PHLDB2: variants seen among roughly 807,000 people sequenced by gnomAD.
The protein encoded by PHLDB2 is pleckstrin homology like domain family B member 2.
In PHLDB2, 71 loss-of-function variants were observed where a neutral mutation model predicts 123.6. The observed-to-expected ratio is 0.57, with a 90% CI of 0.47 to 0.70. The LOEUF (loss-of-function observed/expected upper bound fraction) is 0.70. PHLDB2 is among the 30% of genes least tolerant of loss of function. PHLDB2 has a pLI of 0.00. For synonymous variants in PHLDB2, 547 were observed against 541.6 expected (o/e 1.01, Z -0.14); for missense variants, 1,446 against 1,519.5 (o/e 0.95, Z 0.80).
chr3:111,860,183 A>C (rs1243748222), intron 1 of PHLDB2, among the ~76,000 whole-genome samples: 1 of 152,158 alleles, frequency 6.6e-6, no homozygotes, highest in Non-Finnish European at 1.5e-5. Flanking sequence ...GATCCTTGGG[A>C]TAGCTCCCTG....
intron 1 of PHLDB2, among the ~76,000 whole-genome samples, chr3:111,751,765 C>T (rs943788679): frequency 6.6e-6 from 1 of 151,806 alleles, no homozygotes; most frequent in African/African-American, 2.4e-5. Context: ...GTGCAGCACA[C>T]CAACATGGTA....
intron 2 of PHLDB2, among the ~76,000 whole-genome samples, chr3:111,892,897 T>A (rs2066585582): frequency 6.6e-6 from 1 of 152,228 alleles, no homozygotes; most frequent in South Asian, 2.1e-4. Context: ...TTCTCTAATC[T>A]CTGAAACGTG....
intron 2 of PHLDB2, chr3:111,885,858 AAGTTGTCTAGAAAGTTGG>A: frequency 2.0e-6 from 1 of 498,520 alleles, no homozygotes; most frequent in Non-Finnish European, 3.5e-6. Context: ...TCTTTATAGC[AAGTTGTCTAGAAAGTTGG>A]AGTTGCCTCA....
At chr3:111,862,053 G>T (rs944103320) in intron 1 of PHLDB2, among the ~76,000 whole-genome samples, 9 of 152,092 alleles carry the variant, frequency 5.9e-5, no homozygotes, top group Non-Finnish European at 8.8e-5. Flanking sequence ...TGTTGGTCAG[G>T]CTGGTCTCAA....
chr3:111,814,310 G>T (rs1242731133), intron 1 of PHLDB2, among the ~76,000 whole-genome samples: 1 of 4,696 alleles, frequency 2.1e-4, no homozygotes, highest in Non-Finnish European at 0.015. Flanking sequence ...ATGTGAAAAA[G>T]AAAGACTAAC....
At chr3:111,971,870 A>G (rs2072213104) in intron 16 of PHLDB2, among the ~76,000 whole-genome samples, 1 of 152,234 alleles carries the variant, frequency 6.6e-6, no homozygotes, top group African/African-American at 2.4e-5. Context: ...GGCCTCCTGC[A>G]TATTAACTGG....
intron 7 of PHLDB2, 85 bp from the exon 8 acceptor site, chr3:111,940,450 A>T (rs1046387569): frequency 2.2e-4 from 151 of 684,404 alleles, no homozygotes; most frequent in Non-Finnish European, 2.5e-4. Flanking sequence ...AGTGGTGAAA[A>T]TTTTTTTCTC....
chr3:111,797,438 A>G (rs981327938), intron 1 of PHLDB2, among the ~76,000 whole-genome samples: 8 of 152,208 alleles, frequency 5.3e-5, no homozygotes, highest in African/African-American at 1.9e-4. Context: ...ACACTGAATA[A>G]CTAGAGGCCC....
At chr3:111,940,504 C>T (rs369600462) in intron 7 of PHLDB2, 31 bp from the exon 8 acceptor site, 10 of 1,351,506 alleles carry the variant, frequency 7.4e-6, no homozygotes, top group Admixed American at 1.9e-5. Flanking sequence ...GTCTAATGTA[C>T]ATCTTCCTAT....
At position 111,974,768 on chromosome 3, in the gene PHLDB2, T is replaced by C. The variant is rs376520100; in HGVS notation, c.*205T>C. 4.9e-6 allele frequency: 2 copies of C among 404,740 alleles called. No homozygotes were observed. Among genetic ancestry groups the C allele is most frequent in the East Asian group, 3.9e-5 (1 of 25,736 alleles). The allele number at this position is 404,740 out of a possible 1,614,324, so 25.1% of individuals were successfully genotyped here. On this transcript the variant is annotated 3_prime_UTR_variant, in exon 18 of 18. Coordinates refer to ENST00000431670, the MANE Select transcript of PHLDB2 (RefSeq NM_001134438.2). Reference sequence around the variant, plus strand: ...ACCTTCATAATAAATAGCAAAATAATTGAAGCTTCCATGAGAAAGAAAACA... The same window carrying C: ...ACCTTCATAATAAATAGCAAAATAACTGAAGCTTCCATGAGAAAGAAAACA...
Position 111,919,211 on chromosome 3 carries a change from G to A in PHLDB2, c.1859G>A (p.Arg620Lys). The A allele has an allele frequency of 6.2e-7, 1 of 1,614,024 alleles. No homozygotes were observed. Among genetic ancestry groups the A allele is most frequent in the African/African-American group, 1.3e-5 (1 of 75,044 alleles). ...DINDQMDESF[R>K]ELDMECALLD... ...AATGATCAGATGGATGAGTCTTTCA[G>A]AGAGGTAAACTTTTTACCCTCTTCC... The change falls in exon 4 of 18, where the codon AGA (arginine) becomes AAA (lysine). Residue 620 changes from arginine (R) to lysine (K), a missense_variant. Arg to Lys is a conservative substitution (Grantham distance 26, BLOSUM62 2). Coordinates refer to ENST00000431670, the MANE Select transcript of PHLDB2 (RefSeq NM_001134438.2).
chr3:111,931,195 C>T (rs2069130739), intron 5 of PHLDB2, among the ~76,000 whole-genome samples: 1 of 152,184 alleles, frequency 6.6e-6, no homozygotes, highest in Non-Finnish European at 1.5e-5. Flanking sequence ...GGTCATTTCA[C>T]TTACCGAAGG....
At chr3:111,955,144 G>GATAGATATATATAT (rs1553754362) in intron 12 of PHLDB2, among the ~76,000 whole-genome samples, 1 of 145,300 alleles carries the variant, frequency 6.9e-6, no homozygotes, top group Non-Finnish European at 1.5e-5. Flanking sequence ...ATGTATATAT[G>GATAGATATATATAT]ATATATATAT....
chr3:111,780,879 T>C (rs2060449694), intron 1 of PHLDB2, among the ~76,000 whole-genome samples: 1 of 152,118 alleles, frequency 6.6e-6, no homozygotes, highest in Non-Finnish European at 1.5e-5. Flanking sequence ...CAAAGGACTA[T>C]CTGTGTGTCT....
intron 1 of PHLDB2, among the ~76,000 whole-genome samples, chr3:111,831,994 A>T (rs1387674591): frequency 6.6e-6 from 1 of 152,126 alleles, no homozygotes; most frequent in Non-Finnish European, 1.5e-5. Flanking sequence ...AGCAGTAAAA[A>T]TGATCTGTGG....
At position 111,885,207 on chromosome 3, in the gene PHLDB2, T is replaced by C. The variant is rs775505480; in HGVS notation, c.1130T>C (p.Phe377Ser). The change falls in exon 2 of 18, where the codon TTT (phenylalanine) becomes TCT (serine). Residue 377 changes from phenylalanine (F) to serine (S), a missense_variant. By Grantham distance (155) the Phe-to-Ser change is radical. Transcript: ENST00000431670. ...CTTGCTGGAGAGTCAGACAGAGTTTTTGCGACCAGGAGGAACTTCTCTTGT... is the reference window on the plus strand; with the variant it reads ...CTTGCTGGAGAGTCAGACAGAGTTTCTGCGACCAGGAGGAACTTCTCTTGT... ...SLLAGESDRVFATRRNFSCGS... is the reference protein window; with the variant it reads ...SLLAGESDRVSATRRNFSCGS... The C allele has an allele frequency of 1.9e-6, 3 of 1,614,168 alleles. No individual in the cohort carries two copies. Among genetic ancestry groups the C allele is most frequent in the Non-Finnish European group, 2.5e-6 (3 of 1,180,022 alleles).
chr3:111,751,096 T>A (rs768487737), intron 1 of PHLDB2, among the ~76,000 whole-genome samples: 15 of 152,074 alleles, frequency 9.9e-5, no homozygotes, highest in Middle Eastern at 3.4e-3. Flanking sequence ...TAAGCCAACC[T>A]GTGATCTCAG....
At chr3:111,748,816 C>T (rs1193424372) in intron 1 of PHLDB2, among the ~76,000 whole-genome samples, 1 of 152,080 alleles carries the variant, frequency 6.6e-6, no homozygotes, top group Non-Finnish European at 1.5e-5. Context: ...GTCACTGCAC[C>T]CAGCCATCAC....
chr3:111,841,689 A>G (rs7616227), intron 1 of PHLDB2, among the ~76,000 whole-genome samples: 149,355 of 152,308 alleles, frequency 0.98, 73,302 homozygotes, highest in East Asian at 1. Context: ...TGGGCTTCTA[A>G]GACTCCTGCG....
Sources: gnomAD v4.1 joint callset for allele counts (sites outside exome capture counted in the v4.1 genomes callset) on GRCh38, gnomAD v4.1.1 for gene constraint, MANE v1.5 for transcripts, NCBI Gene and HGNC (gene_info 2026-07-23, HGNC 2026-07-21) for gene names.